Variants in TACC2 observed in about 807,000 individuals in gnomAD.
The protein encoded by TACC2 is transforming acidic coiled-coil containing protein 2, also known as transforming acidic coiled-coil-containing protein 2.
A neutral mutation model predicts 227.3 loss-of-function variants in TACC2; 137 were observed. The ratio of observed to expected loss-of-function variants is 0.60; its 90% CI spans 0.52 to 0.69. The LOEUF is 0.69. TACC2 is among the 30% of genes least tolerant of loss of function. TACC2 has a pLI of 0.00. For synonymous variants in TACC2, 1,523 were observed against 1,487.5 expected (o/e 1.02, Z -0.55); for missense variants, 3,470 against 3,694.4 (o/e 0.94, Z 1.57).
rs774114513 is a variant in TACC2, at chr10:122,086,829, C to G, written c.4329C>G (p.Thr1443=). The change falls in exon 4 of 23, where the codon ACC becomes ACG. Residue 1443 remains threonine (T), a synonymous_variant. Coordinates refer to ENST00000369005, the MANE Select transcript of TACC2 (RefSeq NM_206862.4). The stretch of plus-strand genomic sequence containing the variant: ...GGAGTGCAGTGGGTAAAGACCTCAC[C>G]AGGCCATTGGGCCCAGAGAAGCTTC... ...AGRSAVGKDL[T]RPLGPEKLLD... The G allele has an allele frequency of 6.2e-7, 1 of 1,613,928 alleles. No homozygotes were observed. The highest frequency in any genetic ancestry group is 1.1e-5 in the South Asian group (1 of 91,076).
At chr10:122,022,226 C>T (rs537307210) in intron 2 of TACC2, 24 of 526,638 alleles carry the variant, frequency 4.6e-5, no homozygotes, top group African/African-American at 2.9e-4. Context: ...AAGCCGGAAA[C>T]GCTAATTCTA....
chr10:122,198,836 G>A (rs2094675116), intron 8 of TACC2, among the ~76,000 whole-genome samples: 1 of 152,224 alleles, frequency 6.6e-6, no homozygotes, highest in South Asian at 2.1e-4. Flanking sequence ...TGCTGGACCT[G>A]CTGTTGCTTA....
At chr10:122,077,353 C>T (rs2078934116) in intron 3 of TACC2, among the ~76,000 whole-genome samples, 1 of 152,160 alleles carries the variant, frequency 6.6e-6, no homozygotes, top group East Asian at 1.9e-4. Context: ...CTCCATTACA[C>T]TCCAATAGGG....
intron 5 of TACC2, among the ~76,000 whole-genome samples, chr10:122,107,873 TA>T (rs1276628055): frequency 6.2e-5 from 6 of 96,454 alleles, no homozygotes; most frequent in East Asian, 3.5e-4. Context: ...TATATATATA[TA>T]TATATATTTT....
intron 5 of TACC2, among the ~76,000 whole-genome samples, chr10:122,104,002 G>A (rs1163805092): frequency 6.6e-6 from 1 of 152,196 alleles, no homozygotes; most frequent in Non-Finnish European, 1.5e-5. Context: ...GGTATTTAAT[G>A]AATATGGCCT....
At chr10:122,072,930 G>C (rs1469400601) in intron 3 of TACC2, among the ~76,000 whole-genome samples, 1 of 151,522 alleles carries the variant, frequency 6.6e-6, no homozygotes, top group Non-Finnish European at 1.5e-5. Flanking sequence ...TAGCCAACAT[G>C]ATGAAACCCT....
At chr10:122,058,219 C>T (rs142316490) in intron 3 of TACC2, among the ~76,000 whole-genome samples, 1 of 152,366 alleles carries the variant, frequency 6.6e-6, no homozygotes, top group East Asian at 1.9e-4. Flanking sequence ...GCACGCCCCT[C>T]TTCATGAATA....
intron 5 of TACC2, among the ~76,000 whole-genome samples, chr10:122,127,705 T>G (rs552597021): frequency 1.3e-5 from 2 of 152,314 alleles, no homozygotes; most frequent in African/African-American, 4.8e-5. Context: ...TGAGAAGAGC[T>G]GTTTTAGAAA....
At chr10:122,207,194 G>T (rs1421542304) in intron 8 of TACC2, among the ~76,000 whole-genome samples, 1 of 152,036 alleles carries the variant, frequency 6.6e-6, no homozygotes, top group Admixed American at 6.5e-5. Context: ...AGCTACTCGG[G>T]AGGCTCAGAC....
Position 122,083,649 on chromosome 10 carries a change from C to A in TACC2, c.1149C>A (p.Thr383=), listed in dbSNP as rs753924739. The A allele has an allele frequency of 2.5e-6, 4 of 1,611,212 alleles. No homozygotes were observed. Among genetic ancestry groups the A allele is most frequent in the Non-Finnish European group, 3.4e-6 (4 of 1,180,028 alleles). The change falls in exon 4 of 23, where the codon ACC becomes ACA. Residue 383 remains threonine, a synonymous_variant. Transcript: ENST00000369005. The stretch of plus-strand genomic sequence containing the variant: ...ACCCACAGACAGGGATGCGAGGAAC[C>A]AAGCCCAATCAAGTTGTCTGTGTGG... ...QGHPQTGMRG[T]KPNQVVCVAA...
chr10:122,076,740 G>A, intron 3 of TACC2, among the ~76,000 whole-genome samples: 1 of 151,794 alleles, frequency 6.6e-6, no homozygotes, highest in African/African-American at 2.4e-5. Flanking sequence ...GCCTTTTCTG[G>A]GCCTCAGTTT....
intron 18 of TACC2, among the ~76,000 whole-genome samples, chr10:122,241,020 G>T (rs1439541135): frequency 6.6e-6 from 1 of 152,198 alleles, no homozygotes; most frequent in Admixed American, 6.5e-5. Flanking sequence ...AGGTAATAGG[G>T]TTCCAAGGAG....
At chr10:122,103,028 G>A (rs2082343871) in intron 5 of TACC2, among the ~76,000 whole-genome samples, 1 of 152,042 alleles carries the variant, frequency 6.6e-6, no homozygotes, top group Non-Finnish European at 1.5e-5. Flanking sequence ...TGCTTGTACA[G>A]CCCATCATGG....
chr10:121,992,425 G>A (rs1274052562), intron 1 of TACC2, among the ~76,000 whole-genome samples: 1 of 152,226 alleles, frequency 6.6e-6, no homozygotes, highest in Non-Finnish European at 1.5e-5. Flanking sequence ...TTTGACTTAA[G>A]TTATTTGAGT....
intron 2 of TACC2, chr10:122,022,715 T>TA (rs5788526): frequency 0.64 from 97,999 of 152,084 alleles, 31,985 homozygotes; most frequent in African/African-American, 0.74. Flanking sequence ...CTATGGCCAT[T>TA]AAAAATGATT....
intron 11 of TACC2, among the ~76,000 whole-genome samples, chr10:122,217,426 CTTTCTTTTTTCTTTTTTT>C (rs2095429669): frequency 7.1e-6 from 1 of 140,392 alleles, no homozygotes; most frequent in African/African-American, 2.6e-5. Flanking sequence ...TTTTCTTTTT[CTTTCTTTTTTCTTTTTTT>C]TTTTTTTTTT....
At chr10:122,001,130 A>G (rs143472782) in intron 1 of TACC2, among the ~76,000 whole-genome samples, 94 of 152,296 alleles carry the variant, frequency 6.2e-4, no homozygotes, top group African/African-American at 2.1e-3. Context: ...GCCCTGTTGG[A>G]TTGTTTTAAA....
chr10:122,045,804 T>G (rs1365231385), intron 2 of TACC2, among the ~76,000 whole-genome samples: 1 of 152,228 alleles, frequency 6.6e-6, no homozygotes, highest in Non-Finnish European at 1.5e-5. Flanking sequence ...ACAGATAGTT[T>G]TGTTGCTTTT....
intron 1 of TACC2, among the ~76,000 whole-genome samples, chr10:122,002,585 T>C (rs1363521917): frequency 6.6e-6 from 1 of 152,192 alleles, no homozygotes; most frequent in Non-Finnish European, 1.5e-5. Context: ...TTGGTAAAAC[T>C]CCCTCGTGAA....
Sources: gnomAD v4.1 joint callset for allele counts (sites outside exome capture counted in the v4.1 genomes callset) on GRCh38, gnomAD v4.1.1 for gene constraint, MANE v1.5 for transcripts, NCBI Gene and HGNC (gene_info 2026-07-23, HGNC 2026-07-21) for gene names.